Variants in SLC7A14 observed in about 807,000 individuals in gnomAD.
SLC7A14 encodes the protein solute carrier family 7 member 14, also known as gamma-aminobutyric acid transporter SLC7A14.
SLC7A14 carries 37 observed loss-of-function variants against 60.2 expected under a neutral mutation model. The ratio of observed to expected loss-of-function variants is 0.61; its 90% confidence interval spans 0.47 to 0.81. The LOEUF is 0.81. Among genes scored for constraint, SLC7A14 ranks in the 30% least tolerant of loss-of-function variants. The pLI is 0.00. For missense variants in SLC7A14, 886 were observed against 982.7 expected (o/e 0.90, Z 1.32); for synonymous variants, 399 against 395.8 (o/e 1.01, Z -0.10).
At chr3:170,544,162 A>G (rs1217199163) in intron 1 of SLC7A14, among the ~76,000 whole-genome samples, 4 of 152,108 alleles carry the variant, frequency 2.6e-5, no homozygotes, top group Non-Finnish European at 5.9e-5. Context: ...GAGTTGGTAG[A>G]TCCTCCCTGC....
intron 2 of SLC7A14, chr3:170,503,130 G>C (rs1299058040): frequency 2.0e-5 from 3 of 152,184 alleles, no homozygotes; most frequent in Non-Finnish European, 2.9e-5. Flanking sequence ...GGCCCAGTCT[G>C]TTATTTATTT....
At chr3:170,502,310 C>G (rs932285025) in intron 2 of SLC7A14, among the ~76,000 whole-genome samples, 1 of 152,220 alleles carries the variant, frequency 6.6e-6, no homozygotes, top group Non-Finnish European at 1.5e-5. Context: ...AGATAGGAAT[C>G]AGGATGCTGC....
intron 1 of SLC7A14, among the ~76,000 whole-genome samples, chr3:170,533,216 T>C (rs112524076): frequency 0.041 from 6,273 of 152,278 alleles, 404 homozygotes; most frequent in African/African-American, 0.14. Flanking sequence ...GTTTGCACCA[T>C]AACTGGGGAT....
chr3:170,558,466 G>A (rs1310493568), intron 1 of SLC7A14, among the ~76,000 whole-genome samples: 1 of 152,106 alleles, frequency 6.6e-6, no homozygotes, highest in Non-Finnish European at 1.5e-5. Flanking sequence ...TCTGAACCTT[G>A]GTATTCTCAG....
chr3:170,544,843 C>T (rs995576258), intron 1 of SLC7A14, among the ~76,000 whole-genome samples: 1 of 152,196 alleles, frequency 6.6e-6, no homozygotes, highest in East Asian at 1.9e-4. Flanking sequence ...TTAAAAGTGA[C>T]ACAGCTGCTG....
At chr3:170,563,426 T>G (rs573226455) in intron 1 of SLC7A14, among the ~76,000 whole-genome samples, 1 of 149,254 alleles carries the variant, frequency 6.7e-6, no homozygotes, top group African/African-American at 2.5e-5. Flanking sequence ...TGTTTTTTTT[T>G]TTTTTTTTTG....
intron 1 of SLC7A14, among the ~76,000 whole-genome samples, chr3:170,527,919 G>A (rs1713560221): frequency 6.6e-6 from 1 of 152,116 alleles, no homozygotes; most frequent in Non-Finnish European, 1.5e-5. Context: ...AATTTTCCAG[G>A]AATACAACTA....
chr3:170,564,657 T>C (rs1288200711), intron 1 of SLC7A14, among the ~76,000 whole-genome samples: 1 of 152,238 alleles, frequency 6.6e-6, no homozygotes, highest in African/African-American at 2.4e-5. Context: ...TACAAGTGTA[T>C]ATTCTTTCTA....
Position 170,470,156 on chromosome 3 carries a change from T to C in SLC7A14, c.1994-2779A>G, listed in dbSNP as rs192202940. Among the ~76,000 whole-genome samples, 4 of 152,296 alleles carry C rather than the reference T, an allele frequency of 2.6e-5. No individual in the cohort carries two copies. The South Asian group carries it at 6.2e-4, about 24-fold the overall frequency. On this transcript the variant is annotated intron_variant, in intron 7 of 7. Coordinates refer to ENST00000231706, the MANE Select transcript of SLC7A14 (RefSeq NM_020949.3). ...GTCTGAGAAGGAGAGGAACCAGCTT[T>C]ATACATGGAGGGAGAGAAGTCTCTT... is the stretch of plus-strand genomic sequence containing the variant.
intron 2 of SLC7A14, among the ~76,000 whole-genome samples, chr3:170,505,245 A>T (rs1305306472): frequency 2.6e-5 from 4 of 152,182 alleles, no homozygotes; most frequent in African/African-American, 9.7e-5. Flanking sequence ...CAACAATGTT[A>T]TTCATGGACT....
intron 1 of SLC7A14, among the ~76,000 whole-genome samples, chr3:170,553,628 G>A (rs955913917): frequency 1.3e-5 from 2 of 152,208 alleles, no homozygotes; most frequent in Non-Finnish European, 2.9e-5. Context: ...GGAAATGTCC[G>A]GTGGAGGATG....
At chr3:170,552,946 A>G (rs1207250207) in intron 1 of SLC7A14, among the ~76,000 whole-genome samples, 1 of 152,228 alleles carries the variant, frequency 6.6e-6, no homozygotes, top group African/African-American at 2.4e-5. Context: ...TGATCTCCAC[A>G]TGCACTGCCC....
At chr3:170,572,124 C>A (rs1051287433) in intron 1 of SLC7A14, among the ~76,000 whole-genome samples, 1 of 150,992 alleles carries the variant, frequency 6.6e-6, no homozygotes, top group South Asian at 2.1e-4. Context: ...AAGTCCCATA[C>A]CAAATCTGTG....
At chr3:170,504,036 C>A (rs140396078) in intron 2 of SLC7A14, among the ~76,000 whole-genome samples, 1,951 of 152,284 alleles carry the variant, frequency 0.013, 41 homozygotes, top group African/African-American at 0.044. Flanking sequence ...TTCACGAAAT[C>A]GTTGTTTTGG....
chr3:170,475,378 C>T (rs1242617462), intron 7 of SLC7A14, among the ~76,000 whole-genome samples: 1 of 152,178 alleles, frequency 6.6e-6, no homozygotes, highest in Non-Finnish European at 1.5e-5. Flanking sequence ...TTAAAAATAT[C>T]TCTACTGTTT....
At chr3:170,568,435 AG>A (rs1714854076) in intron 1 of SLC7A14, among the ~76,000 whole-genome samples, 1 of 152,200 alleles carries the variant, frequency 6.6e-6, no homozygotes, top group East Asian at 1.9e-4. Flanking sequence ...GTTTGAAGTC[AG>A]GTAGCATGAT....
intron 3 of SLC7A14, among the ~76,000 whole-genome samples, chr3:170,500,563 G>T (rs1398070557): frequency 6.6e-6 from 1 of 151,218 alleles, no homozygotes; most frequent in East Asian, 1.9e-4. Flanking sequence ...ACCCCTCCCT[G>T]ACCTCTTCTA....
intron 5 of SLC7A14, among the ~76,000 whole-genome samples, chr3:170,484,024 C>T (rs1711937816): frequency 6.6e-6 from 1 of 152,198 alleles, no homozygotes; most frequent in African/African-American, 2.4e-5. Context: ...AAGATAAGTG[C>T]TTAAGAGGTC....
intron 4 of SLC7A14, chr3:170,495,540 A>C (rs1205795716): frequency 1.4e-6 from 1 of 737,762 alleles, no homozygotes; most frequent in Admixed American, 2.0e-5. Flanking sequence ...TGCCCACATC[A>C]GCTCTTCAAG....
Sources: allele counts gnomAD v4.1 joint callset (sites outside exome capture counted in the v4.1 genomes callset), GRCh38; gene constraint gnomAD v4.1.1; transcripts MANE v1.5; gene names NCBI Gene and HGNC (gene_info 2026-07-23, HGNC 2026-07-21).